The following WDR17 variants were observed in gnomAD, a reference collection of about 807,000 sequenced individuals.
The protein encoded by WDR17 is WD repeat-containing protein 17.
In WDR17, 143 loss-of-function variants were observed where a neutral mutation model predicts 161.7. The ratio of observed to expected loss-of-function variants is 0.88; its 90% CI spans 0.77 to 1.02. The LOEUF (loss-of-function observed/expected upper bound fraction) is 1.02, where lower values mean the gene tolerates loss of function less well. Ranked by LOEUF, WDR17 falls within the 50% of genes least tolerant of loss-of-function variation. The pLI, the probability that WDR17 is intolerant of heterozygous loss-of-function variation, is 0.00. For synonymous variants in WDR17, 517 were observed against 515.6 expected (o/e 1.00, Z -0.04); for missense variants, 1,469 against 1,520.9 (o/e 0.97, Z 0.57).
At chr4:176,168,897 G>A in intron 23 of WDR17, 114 bp downstream of exon 23, 1 of 1,226,206 alleles carries the variant, frequency 8.2e-7, no homozygotes, top group Non-Finnish European at 1.1e-6. Context: ...GTCCCTTTGG[G>A]GTACCTACAA....
intron 1 of WDR17, among the ~76,000 whole-genome samples, chr4:176,108,820 T>C (rs1257367729): frequency 6.6e-6 from 1 of 152,142 alleles, no homozygotes; most frequent in Non-Finnish European, 1.5e-5. Context: ...ATTTGAGACT[T>C]GCTGTGTCTC....
chr4:176,172,623 C>G, intron 24 of WDR17, 107 bp downstream of exon 24: 1 of 1,005,382 alleles, frequency 9.9e-7, no homozygotes, highest in Non-Finnish European at 1.4e-6. Context: ...TAAAGAAATA[C>G]CTGAGGCTGG....
chr4:176,174,338 A>G (rs1751162396), intron 25 of WDR17, among the ~76,000 whole-genome samples: 1 of 152,228 alleles, frequency 6.6e-6, no homozygotes, highest in Non-Finnish European at 1.5e-5. Flanking sequence ...GGGATAAATT[A>G]CATGAAGAAA....
chr4:176,155,545 G>GTTTTTTTTTTTTTTTTTTTTTTTTTTTT (rs869207103), intron 17 of WDR17, among the ~76,000 whole-genome samples: 7 of 105,248 alleles, frequency 6.7e-5, no homozygotes, highest in Non-Finnish European at 9.5e-5. Flanking sequence ...ATTTGTTTGT[G>GTTTTTTTTTTTTTTTTTTTTTTTTTTTT]TTTTTTTTTT....
intron 7 of WDR17, among the ~76,000 whole-genome samples, chr4:176,134,463 G>A (rs1411140964): frequency 6.6e-6 from 1 of 151,672 alleles, no homozygotes; most frequent in Non-Finnish European, 1.5e-5. Context: ...ATGTTTACAT[G>A]TATCTGCATA....
rs1382495554 is a variant in WDR17 at position 176,146,060 on chromosome 4, A to T, written c.1595A>T (p.Asp532Val). ...GTTTATTATGTAGCCACCAGCTCAG[A>T]TCAACCATTGAAAGTATTTAGTGGG... ...VRVYYVATSS[D>V]QPLKVFSGHT... Residue 532 changes from aspartate to valine, a missense_variant, in exon 12 of 29, where the codon GAT becomes GTT. Transcript: ENST00000508596. 1 of 1,614,112 alleles carries T rather than the reference A, an allele frequency of 6.2e-7. No individual in the cohort carries two copies. The highest frequency in any genetic ancestry group is 8.5e-7 in the Non-Finnish European group (1 of 1,179,988).
At chr4:176,105,966 A>T (rs1238891764) in intron 1 of WDR17, among the ~76,000 whole-genome samples, 1 of 152,134 alleles carries the variant, frequency 6.6e-6, no homozygotes, top group Non-Finnish European at 1.5e-5. Context: ...GACTCAAATT[A>T]TTAAAATCAC....
At chr4:176,113,580 A>G (rs114964463) in intron 2 of WDR17, among the ~76,000 whole-genome samples, 3,076 of 152,178 alleles carry the variant, frequency 0.02, 50 homozygotes, top group Middle Eastern at 0.044. Context: ...AGAAAATTAC[A>G]TAATTAAATG....
intron 16 of WDR17, 22 bp downstream of exon 16, chr4:176,150,615 G>T: frequency 6.4e-7 from 1 of 1,555,320 alleles, no homozygotes; most frequent in South Asian, 1.3e-5. Context: ...ATGCAAATAT[G>T]ATGTACTCAA....
chr4:176,119,516 A>G (rs1741200258), intron 3 of WDR17, among the ~76,000 whole-genome samples: 1 of 152,194 alleles, frequency 6.6e-6, no homozygotes, highest in Non-Finnish European at 1.5e-5. Context: ...TTGTATACCT[A>G]GAATGCCTAG....
chr4:176,108,152 T>C (rs1480998281), intron 1 of WDR17, among the ~76,000 whole-genome samples: 1 of 151,992 alleles, frequency 6.6e-6, no homozygotes, highest in Admixed American at 6.6e-5. Context: ...TATGAATGTA[T>C]TTAATACCTT....
chr4:176,176,931 A>C (rs1209569396), intron 26 of WDR17, 127 bp from the exon 27 acceptor site: 1 of 625,196 alleles, frequency 1.6e-6, no homozygotes, highest in Non-Finnish European at 2.8e-6. Flanking sequence ...CTATATGTAT[A>C]TTATATATAA....
chr4:176,181,779 T>C lies in WDR17; in HGVS notation c.*2200T>C, dbSNP rs1752186721. 1.3e-5 allele frequency: 2 copies of C among 152,274 alleles called. No homozygotes were observed. Among genetic ancestry groups the C allele is most frequent in the Non-Finnish European group, 1.5e-5 (1 of 67,952 alleles). 9.4% of individuals were successfully genotyped at this position (152,274 alleles called of 1,614,324 possible). A position where few individuals can be genotyped will look rare whatever the true frequency, so the allele number is the denominator to read the frequency against. On this transcript the variant is annotated 3_prime_UTR_variant, in exon 29 of 29. Transcript: ENST00000508596. ...AGTATATAAACAATCATTACTTCTG[T>C]ATTTTTAATGAATGCAGGAAAATAA...
intron 1 of WDR17, among the ~76,000 whole-genome samples, chr4:176,076,760 T>C (rs1158078604): frequency 1.3e-5 from 2 of 152,048 alleles, no homozygotes; most frequent in East Asian, 1.9e-4. Context: ...GCTGATAGTA[T>C]GTTCATTCCT....
intron 1 of WDR17, among the ~76,000 whole-genome samples, chr4:176,109,288 A>T (rs529854536): frequency 1.3e-5 from 2 of 152,046 alleles, no homozygotes; most frequent in African/African-American, 4.8e-5. Flanking sequence ...AATAATGTAC[A>T]TTTTCAGCGA....
At chr4:176,176,487 T>A (rs1751473596) in intron 26 of WDR17, among the ~76,000 whole-genome samples, 1 of 152,144 alleles carries the variant, frequency 6.6e-6, no homozygotes, top group South Asian at 2.1e-4. Flanking sequence ...CTCCTTTCTA[T>A]ACGGTGTCCT....
At chr4:176,133,209 A>T (rs1413327306) in intron 7 of WDR17, among the ~76,000 whole-genome samples, 3 of 139,842 alleles carry the variant, frequency 2.1e-5, no homozygotes, top group East Asian at 4.0e-4. Flanking sequence ...CCACTTCACT[A>T]TTTAATTACA....
At chr4:176,110,160 G>T (rs1033277809) in intron 1 of WDR17, among the ~76,000 whole-genome samples, 3 of 151,028 alleles carry the variant, frequency 2.0e-5, no homozygotes, top group Non-Finnish European at 1.5e-5. Flanking sequence ...TATTTTTTTT[G>T]AGACAGAGTC....
intron 1 of WDR17, among the ~76,000 whole-genome samples, chr4:176,072,691 G>C (rs1733394589): frequency 6.6e-6 from 1 of 152,122 alleles, no homozygotes; most frequent in Non-Finnish European, 1.5e-5. Flanking sequence ...GATTATATGA[G>C]AAGACATATT....
Sources: allele counts gnomAD v4.1 joint callset (sites outside exome capture counted in the v4.1 genomes callset), GRCh38; gene constraint gnomAD v4.1.1; transcripts MANE v1.5; gene names NCBI Gene and HGNC (gene_info 2026-07-23, HGNC 2026-07-21).